Variants in HS6ST3 observed in about 807,000 individuals in gnomAD.
The protein encoded by HS6ST3 is heparan-sulfate 6-O-sulfotransferase 3.
HS6ST3 carries 12 observed loss-of-function variants against 36.7 expected under a neutral mutation model. The ratio of observed to expected loss-of-function variants is 0.33; its 90% CI spans 0.21 to 0.53. The LOEUF is 0.53. Among genes scored for constraint, HS6ST3 ranks in the 20% least tolerant of loss-of-function variants. HS6ST3 has a pLI of 0.95. For missense variants in HS6ST3, 584 were observed against 640.9 expected (o/e 0.91, Z 0.96); for synonymous variants, 240 against 257.5 (o/e 0.93, Z 0.65).
Position 96,558,786 on chromosome 13 carries a change from G to T in HS6ST3, c.708-273704G>T, listed in dbSNP as rs376269774. Among the ~76,000 whole-genome samples, 15 of 152,200 alleles carry T rather than the reference G, an allele frequency of 9.9e-5. 1 individual carries two copies. The East Asian group carries it at 2.1e-3, about 22-fold the overall frequency. ...TTAAAATAGTATGGATAAGAAAGGTGTTTCTAAATCTTCAGTCATTATAGA... is the reference window on the plus strand; with the variant it reads ...TTAAAATAGTATGGATAAGAAAGGTTTTTCTAAATCTTCAGTCATTATAGA... On this transcript the variant is annotated intron_variant, in intron 1 of 1. Transcript: ENST00000376705.
chr13:96,776,238 G>A (rs369626440), intron 1 of HS6ST3, among the ~76,000 whole-genome samples: 1 of 152,008 alleles, frequency 6.6e-6, no homozygotes, highest in African/African-American at 2.4e-5. Context: ...GGAGAAAGCA[G>A]AAAGATCTAA....
chr13:96,429,743 A>G (rs1367690245), intron 1 of HS6ST3, among the ~76,000 whole-genome samples: 3 of 152,232 alleles, frequency 2.0e-5, no homozygotes, highest in Non-Finnish European at 4.4e-5. Flanking sequence ...CTAAGAATTC[A>G]GGTAAAGCAG....
At chr13:96,464,377 A>G (rs1566368494) in intron 1 of HS6ST3, among the ~76,000 whole-genome samples, 1 of 151,976 alleles carries the variant, frequency 6.6e-6, no homozygotes, top group African/African-American at 2.4e-5. Flanking sequence ...GAATAAGGAC[A>G]TTTTCCTTGG....
intron 1 of HS6ST3, among the ~76,000 whole-genome samples, chr13:96,439,374 A>G (rs1203541306): frequency 6.6e-6 from 1 of 152,240 alleles, no homozygotes; most frequent in Non-Finnish European, 1.5e-5. Flanking sequence ...TTATAGCAAG[A>G]TGGTTCCGTT....
At chr13:96,729,277 T>G (rs912430026) in intron 1 of HS6ST3, among the ~76,000 whole-genome samples, 1 of 151,924 alleles carries the variant, frequency 6.6e-6, no homozygotes, top group Non-Finnish European at 1.5e-5. Context: ...CAGACTTACT[T>G]CAAAAAGTAG....
chr13:96,473,392 G>T (rs1179961289), intron 1 of HS6ST3, among the ~76,000 whole-genome samples: 2 of 152,220 alleles, frequency 1.3e-5, no homozygotes, highest in Non-Finnish European at 2.9e-5. Context: ...GCAAGTGACT[G>T]CATGACACAT....
chr13:96,386,244 T>C (rs2055367316), intron 1 of HS6ST3, among the ~76,000 whole-genome samples: 1 of 152,212 alleles, frequency 6.6e-6, no homozygotes, highest in South Asian at 2.1e-4. Context: ...ACATGAATTA[T>C]GTGAGTAAGT....
At chr13:96,476,723 G>A (rs2055866184) in intron 1 of HS6ST3, among the ~76,000 whole-genome samples, 1 of 152,100 alleles carries the variant, frequency 6.6e-6, no homozygotes, top group East Asian at 1.9e-4. Context: ...TGCTTACTTG[G>A]ATGAGATCTA....
chr13:96,744,933 C>A (rs1223937855), intron 1 of HS6ST3, among the ~76,000 whole-genome samples: 1 of 152,096 alleles, frequency 6.6e-6, no homozygotes, highest in South Asian at 2.1e-4. Flanking sequence ...ACCTATAAAT[C>A]AGATTGCTTT....
intron 1 of HS6ST3, among the ~76,000 whole-genome samples, chr13:96,163,859 G>C (rs879896135): frequency 6.6e-6 from 1 of 152,156 alleles, no homozygotes; most frequent in Non-Finnish European, 1.5e-5. Flanking sequence ...AAGTGCAGTT[G>C]CTAGCAGGGG....
At chr13:96,292,071 A>G (rs1265712684) in intron 1 of HS6ST3, among the ~76,000 whole-genome samples, 3 of 152,122 alleles carry the variant, frequency 2.0e-5, no homozygotes, top group African/African-American at 4.8e-5. Context: ...GTTTTGAAAT[A>G]TGTTATAATT....
intron 1 of HS6ST3, among the ~76,000 whole-genome samples, chr13:96,747,699 G>A (rs1876595111): frequency 6.6e-6 from 1 of 151,968 alleles, no homozygotes; most frequent in African/African-American, 2.4e-5. Flanking sequence ...TAATAAAAGT[G>A]AGGATATTAT....
chr13:96,200,249 A>G (rs2054334738), intron 1 of HS6ST3, among the ~76,000 whole-genome samples: 1 of 152,130 alleles, frequency 6.6e-6, no homozygotes, highest in African/African-American at 2.4e-5. Flanking sequence ...TCACAGTAAA[A>G]TCTCATACCC....
At chr13:96,136,528 T>C (rs1210965396) in intron 1 of HS6ST3, among the ~76,000 whole-genome samples, 1 of 151,888 alleles carries the variant, frequency 6.6e-6, no homozygotes, top group Non-Finnish European at 1.5e-5. Flanking sequence ...GGAGGGATGG[T>C]GTTAAACCAT....
At chr13:96,386,285 C>A (rs2055367484) in intron 1 of HS6ST3, among the ~76,000 whole-genome samples, 1 of 152,034 alleles carries the variant, frequency 6.6e-6, no homozygotes, top group South Asian at 2.1e-4. Context: ...AAAGCAGCAC[C>A]AAAAGCAATC....
intron 1 of HS6ST3, chr13:96,427,344 C>T (rs115815827): frequency 1.4e-3 from 221 of 153,534 alleles, no homozygotes; most frequent in African/African-American, 5.1e-3. Context: ...CTGTCAAATA[C>T]TCAGTATCAG....
intron 1 of HS6ST3, among the ~76,000 whole-genome samples, chr13:96,583,542 A>G (rs1053366565): frequency 1.3e-5 from 2 of 151,820 alleles, no homozygotes; most frequent in African/African-American, 2.4e-5. Context: ...AAATTCCAAC[A>G]TCTTACCATG....
intron 1 of HS6ST3, among the ~76,000 whole-genome samples, chr13:96,671,784 A>G (rs1410615919): frequency 6.6e-6 from 1 of 152,020 alleles, no homozygotes; most frequent in Non-Finnish European, 1.5e-5. Flanking sequence ...TCATCTCTTC[A>G]AAGACTCTCC....
chr13:96,807,797 T>C (rs1566458826), intron 1 of HS6ST3, among the ~76,000 whole-genome samples: 3 of 145,904 alleles, frequency 2.1e-5, no homozygotes, highest in South Asian at 2.2e-4. Flanking sequence ...ACCCGGGAGG[T>C]GGAGCTTGCA....
Sources: allele counts gnomAD v4.1 joint callset (sites outside exome capture counted in the v4.1 genomes callset), GRCh38; gene constraint gnomAD v4.1.1; transcripts MANE v1.5; gene names NCBI Gene and HGNC (gene_info 2026-07-23, HGNC 2026-07-21).